NUP210L: variants seen among roughly 807,000 people sequenced by gnomAD.
NUP210L encodes nuclear pore membrane glycoprotein 210-like.
NUP210L carries 74 observed loss-of-function variants against 208.5 expected under a neutral mutation model. The observed-to-expected ratio is 0.35, with a 90% CI of 0.29 to 0.43. The LOEUF is 0.43. Ranked by LOEUF, NUP210L falls within the 20% of genes least tolerant of loss-of-function variation. The probability of loss-of-function intolerance (pLI) is 1.00; values close to 1 mark genes in which losing one functional copy is unlikely to be tolerated. For missense variants in NUP210L, 1,843 were observed against 2,289.4 expected (o/e 0.81, Z 3.98); for synonymous variants, 780 against 816.9 (o/e 0.95, Z 0.77).
chr1:154,081,955 TG>T (rs1353022052), intron 16 of NUP210L, among the ~76,000 whole-genome samples: 1 of 152,174 alleles, frequency 6.6e-6, no homozygotes, highest in African/African-American at 2.4e-5. Context: ...GCACTCAGCC[TG>T]GGCAACAGAG....
At chr1:154,012,658 T>G (rs1046776807) in intron 33 of NUP210L, among the ~76,000 whole-genome samples, 6 of 151,890 alleles carry the variant, frequency 4.0e-5, no homozygotes, top group Non-Finnish European at 8.8e-5. Flanking sequence ...TCCTCCTGCC[T>G]CAGCCTCTAG....
chr1:153,995,563 C>CTA (rs1407993630), intron 37 of NUP210L: 113 of 708,648 alleles, frequency 1.6e-4, no homozygotes, highest in Non-Finnish European at 2.7e-4. Flanking sequence ...TGCTTTAAAT[C>CTA]CTCTGCTACT....
intron 10 of NUP210L, among the ~76,000 whole-genome samples, chr1:154,119,992 T>C (rs1657531128): frequency 6.6e-6 from 1 of 152,338 alleles, no homozygotes; most frequent in Non-Finnish European, 1.5e-5. Context: ...ATGGTTGAAC[T>C]AGTTTACAGT....
At chr1:154,096,400 C>A (rs1029037147) in intron 14 of NUP210L, among the ~76,000 whole-genome samples, 1 of 152,150 alleles carries the variant, frequency 6.6e-6, no homozygotes, top group African/African-American at 2.4e-5. Context: ...AAAGTCTTGT[C>A]TCACAGGGGA....
chr1:154,066,782 T>C (rs1203740866), intron 17 of NUP210L, among the ~76,000 whole-genome samples: 1 of 152,048 alleles, frequency 6.6e-6, no homozygotes, highest in Non-Finnish European at 1.5e-5. Context: ...CCCACAGAAA[T>C]ACAAACTACC....
chr1:154,123,508 T>C (rs1174959319), intron 10 of NUP210L, among the ~76,000 whole-genome samples: 3 of 152,230 alleles, frequency 2.0e-5, no homozygotes, highest in African/African-American at 4.8e-5. Context: ...TAGCCATATG[T>C]ACATTTTCTT....
chr1:154,152,841 C>G, exon 2 of NUP210L: 1 of 1,613,938 alleles, frequency 6.2e-7, no homozygotes. Flanking sequence ...TATAAAGGCT[C>G]AACAGTAACT....
At chr1:154,001,933 C>T (rs748598957) in exon 36 of NUP210L, 1 of 1,614,064 alleles carries the variant, frequency 6.2e-7, no homozygotes, top group Non-Finnish European at 8.5e-7. Context: ...CACTGAGGGC[C>T]TGTAGCAGCT....
At chr1:154,067,053 A>T (rs531505091) in intron 17 of NUP210L, among the ~76,000 whole-genome samples, 1 of 152,324 alleles carries the variant, frequency 6.6e-6, no homozygotes, top group East Asian at 1.9e-4. Flanking sequence ...ACTTTTTTCC[A>T]GTCAATAGAA....
At chr1:154,054,875 T>A in intron 23 of NUP210L, 43 bp from the exon 24 acceptor site, 1 of 1,353,852 alleles carries the variant, frequency 7.4e-7, no homozygotes. Context: ...CTAACTAGAG[T>A]CAATTTTATA....
intron 27 of NUP210L, among the ~76,000 whole-genome samples, chr1:154,033,002 AAAAAAAG>A (rs1652342281): frequency 6.8e-6 from 1 of 147,548 alleles, no homozygotes; most frequent in Non-Finnish European, 1.5e-5. Context: ...AGAAAGAAAG[AAAAAAAG>A]AAAGAAAGAA....
rs1177566685 is a variant in NUP210L, at chr1:154,034,839, CTCTCTT to C, written c.3697-4791_3697-4786del. On this transcript the variant is annotated intron_variant, in intron 27 of 39. Coordinates refer to ENST00000368559, the Ensembl canonical transcript of NUP210L. ...TATTGGTTGTAATGTCTCTCTCTCTCTCTCTTTTTTTTTTTTTTTTGAGATGGAATC... is the reference window on the plus strand; with the variant it reads ...TATTGGTTGTAATGTCTCTCTCTCTCTTTTTTTTTTTTTTGAGATGGAATC... Among the ~76,000 whole-genome samples the C allele has an allele frequency of 5.1e-3, 739 of 145,490 alleles. 2 individuals carry two copies. The highest frequency in any genetic ancestry group is 0.011 in the Admixed American group (152 of 13,754).
chr1:154,107,898 C>T lies in NUP210L; in HGVS notation c.1621-3688G>A, dbSNP rs557370705. On this transcript the variant is annotated intron_variant, in intron 12 of 39. Coordinates refer to ENST00000368559, the Ensembl canonical transcript of NUP210L. ...TAGAAAAGAAAGAAAATACAGTTAG[C>T]GGAGACTAAAGAAAAAATAATAGAA... Among the ~76,000 whole-genome samples the T allele has an allele frequency of 9.2e-5, 14 of 151,410 alleles. No homozygotes were observed. The South Asian group carries it at 2.5e-3, about 27-fold the overall frequency.
In NUP210L at chr1:154,072,617, C is replaced by T. The variant is rs565446502; in HGVS notation, c.2362-2152G>A. 5.9e-5 allele frequency among the ~76,000 whole-genome samples: 9 copies of T among 152,148 alleles called. 2 individuals are homozygous for T. In the South Asian group the frequency reaches 1.9e-3, roughly 32 times the overall value. On this transcript the variant is annotated intron_variant, in intron 16 of 39. Transcript: ENST00000368559. ...AAAGTGTTGGGATTACAGGCGTGAG[C>T]CACCGCGCCTGGCAATTATGGCCAT...
chr1:154,061,313 G>A (rs1319809235), intron 18 of NUP210L, among the ~76,000 whole-genome samples: 2 of 151,930 alleles, frequency 1.3e-5, no homozygotes, highest in Non-Finnish European at 2.9e-5. Flanking sequence ...GGGAGGCAGA[G>A]GTTGCAGTGA....
exon 6 of NUP210L, chr1:154,138,201 T>C (rs1571318993): frequency 6.5e-7 from 1 of 1,541,238 alleles, no homozygotes; most frequent in Admixed American, 2.5e-5. Context: ...AAATATATTC[T>C]CCAAAACAAG....
chr1:154,062,073 G>A (rs112965787), intron 17 of NUP210L, among the ~76,000 whole-genome samples: 6 of 152,110 alleles, frequency 3.9e-5, no homozygotes, highest in African/African-American at 9.6e-5. Context: ...TGATCTGCCC[G>A]CCTCGGCCTC....
At chr1:154,076,947 A>C (rs1655067984) in intron 16 of NUP210L, among the ~76,000 whole-genome samples, 1 of 152,196 alleles carries the variant, frequency 6.6e-6, no homozygotes, top group African/African-American at 2.4e-5. Flanking sequence ...CAATCTGTCC[A>C]GAGTCAAAGA....
intron 10 of NUP210L, 92 bp from the exon 11 acceptor site, chr1:154,118,900 T>C: frequency 3.1e-6 from 2 of 636,020 alleles, no homozygotes; most frequent in South Asian, 8.1e-5. Flanking sequence ...CAAAATGGTA[T>C]GCTCATAAAT....
Sources: allele counts gnomAD v4.1 joint callset (sites outside exome capture counted in the v4.1 genomes callset), GRCh38; gene constraint gnomAD v4.1.1; transcripts MANE v1.5; gene names NCBI Gene and HGNC (gene_info 2026-07-23, HGNC 2026-07-21).